Variants in CERKL observed in about 807,000 individuals in gnomAD.
CERKL encodes ceramide kinase-like protein.
CERKL carries 61 observed loss-of-function variants against 63.4 expected under a neutral mutation model. The ratio of observed to expected loss-of-function variants is 0.96; its 90% CI spans 0.78 to 1.19. The LOEUF (loss-of-function observed/expected upper bound fraction) is 1.19. Ranked by LOEUF, CERKL falls within the 50% of genes most tolerant of loss-of-function variation. The pLI, the probability that CERKL is intolerant of heterozygous loss-of-function variation, is 0.00. For missense variants in CERKL, 675 were observed against 655.5 expected, an observed-to-expected ratio of 1.03 and a Z score of -0.33; for synonymous variants, 250 against 230.5, an observed-to-expected ratio of 1.08 and a Z score of -0.77.
intron 1 of CERKL, among the ~76,000 whole-genome samples, chr2:181,647,178 T>C (rs1371021850): frequency 1.3e-5 from 2 of 152,116 alleles, no homozygotes; most frequent in Admixed American, 6.5e-5. Flanking sequence ...TCTGTGGTCA[T>C]GAATGGAAGC....
rs1402758276 is a variant in CERKL, at chr2:181,656,932, A to G, written c.75T>C (p.Ala25=). 1 of 1,591,672 alleles carries G rather than the reference A, an allele frequency of 6.3e-7. No individual in the cohort carries two copies. The highest frequency in any genetic ancestry group is 1.3e-5 in the African/African-American group (1 of 74,116). ...GGREEEAPPE[A]AAVPPALLTS... is the part of the protein sequence containing the mutation. Reference sequence around the variant, plus strand: ...TTAACAGCGCCGGAGGCACAGCGGCAGCCTCCGGGGGCGCCTCTTCCTCCC... The same window carrying G: ...TTAACAGCGCCGGAGGCACAGCGGCGGCCTCCGGGGGCGCCTCTTCCTCCC... Residue 25 remains alanine (A), a synonymous_variant, in exon 1 of 13, where the codon GCT becomes GCC. Coordinates refer to ENST00000410087, the MANE Select transcript of CERKL (RefSeq NM_201548.5).
intron 4 of CERKL, among the ~76,000 whole-genome samples, chr2:181,563,240 C>T (rs553321009): frequency 1.3e-5 from 2 of 152,118 alleles, no homozygotes; most frequent in South Asian, 4.1e-4. Context: ...GGACACACTG[C>T]AGTGGAGAAC....
chr2:181,552,314 TC>T (rs2105809718), intron 5 of CERKL, among the ~76,000 whole-genome samples: 1 of 152,262 alleles, frequency 6.6e-6, no homozygotes, highest in African/African-American at 2.4e-5. Context: ...TCCCCACATG[TC>T]AAGGGAGAGA....
intron 1 of CERKL, among the ~76,000 whole-genome samples, chr2:181,609,123 T>C (rs1340326202): frequency 6.6e-6 from 1 of 152,138 alleles, no homozygotes; most frequent in Non-Finnish European, 1.5e-5. Context: ...TTTATTATTA[T>C]ACTTTAAGTT....
At chr2:181,653,874 A>G (rs1052473083) in intron 1 of CERKL, among the ~76,000 whole-genome samples, 2 of 152,192 alleles carry the variant, frequency 1.3e-5, no homozygotes, top group African/African-American at 4.8e-5. Context: ...GTAAAATACT[A>G]TATATTACAA....
At chr2:181,580,860 G>A (rs1034305386) in intron 2 of CERKL, among the ~76,000 whole-genome samples, 2 of 151,976 alleles carry the variant, frequency 1.3e-5, no homozygotes, top group Non-Finnish European at 2.9e-5. Flanking sequence ...AGGGTATAAC[G>A]AACATCTCTG....
intron 11 of CERKL, among the ~76,000 whole-genome samples, chr2:181,542,448 T>A (rs557552880): frequency 1.0e-3 from 152 of 152,192 alleles, no homozygotes; most frequent in Non-Finnish European, 1.7e-3. Context: ...TAGATCTGAT[T>A]TTCATAATCT....
In CERKL at chr2:181,558,684, T is replaced by G; in HGVS notation, c.702A>C (p.Gly234=). The G allele has an allele frequency of 6.2e-7, 1 of 1,613,682 alleles. No individual in the cohort carries two copies. Among genetic ancestry groups the G allele is most frequent in the East Asian group, 2.2e-5 (1 of 44,818 alleles). ...AAGCATGGGCTACTTCGCTAGCAGA[T>G]CCATCTCCACCAACACAGACAACAC... ...FDGVVCVGGD[G]SASEVAHALL... The change falls in exon 5 of 13, where the codon GGA becomes GGC. Residue 234 remains glycine, a synonymous_variant. Transcript: ENST00000410087. This position sits in a 1 kb window ranked among gnomAD's most constrained non-coding sequence, Gnocchi z 4.2.
At chr2:181,542,228 A>T (rs1687539961) in intron 11 of CERKL, among the ~76,000 whole-genome samples, 1 of 152,204 alleles carries the variant, frequency 6.6e-6, no homozygotes, top group Admixed American at 6.5e-5. Context: ...GCCTCTATCT[A>T]ATTTTACACA....
intron 4 of CERKL, among the ~76,000 whole-genome samples, chr2:181,560,384 T>C (rs1338212145): frequency 6.6e-6 from 1 of 152,242 alleles, no homozygotes; most frequent in Non-Finnish European, 1.5e-5. Context: ...AACATATTGC[T>C]AGAGTTATTA....
intron 3 of CERKL, among the ~76,000 whole-genome samples, chr2:181,566,784 T>C (rs1411305672): frequency 1.3e-5 from 2 of 152,072 alleles, no homozygotes; most frequent in East Asian, 3.9e-4. Flanking sequence ...TAAATGCCAG[T>C]GAAGACAGGA....
intron 2 of CERKL, among the ~76,000 whole-genome samples, chr2:181,596,067 A>T (rs1685194761): frequency 6.6e-6 from 1 of 152,236 alleles, no homozygotes; most frequent in Non-Finnish European, 1.5e-5. Context: ...TTCAATTAGC[A>T]TTTTGAATAT....
chr2:181,549,182 T>G (rs755161799), intron 6 of CERKL, among the ~76,000 whole-genome samples: 8 of 152,222 alleles, frequency 5.3e-5, no homozygotes, highest in Non-Finnish European at 1.2e-4. Context: ...TACATATACC[T>G]GAGCTTATAT....
chr2:181,600,729 T>C (rs935231152), intron 2 of CERKL, among the ~76,000 whole-genome samples: 1 of 151,970 alleles, frequency 6.6e-6, no homozygotes, highest in Non-Finnish European at 1.5e-5. Context: ...ACTAGACCTA[T>C]GGGGAAAAAA....
At chr2:181,642,241 A>G (rs1341398619) in intron 1 of CERKL, among the ~76,000 whole-genome samples, 1 of 152,154 alleles carries the variant, frequency 6.6e-6, no homozygotes, top group East Asian at 1.9e-4. Flanking sequence ...TTGGGGTTTA[A>G]CCCCTGCTTC....
At chr2:181,594,495 C>T (rs1344011091) in intron 2 of CERKL, among the ~76,000 whole-genome samples, 8 of 152,166 alleles carry the variant, frequency 5.3e-5, no homozygotes, top group South Asian at 2.1e-4. Flanking sequence ...AGCTCTGTCA[C>T]GTAATTAGCA....
At chr2:181,653,052 C>T (rs1688006688) in intron 1 of CERKL, among the ~76,000 whole-genome samples, 1 of 152,170 alleles carries the variant, frequency 6.6e-6, no homozygotes, top group Non-Finnish European at 1.5e-5. Context: ...GGATTACAGG[C>T]GTGAGCCACT....
At chr2:181,595,298 C>G (rs1229473586) in intron 2 of CERKL, among the ~76,000 whole-genome samples, 2 of 151,790 alleles carry the variant, frequency 1.3e-5, no homozygotes, top group Non-Finnish European at 2.9e-5. Context: ...TGAGAAATCT[C>G]AATAATAGCA....
intron 4 of CERKL, among the ~76,000 whole-genome samples, chr2:181,560,434 AT>A (rs1172975449): frequency 6.6e-6 from 1 of 152,224 alleles, no homozygotes; most frequent in Non-Finnish European, 1.5e-5. Flanking sequence ...AACATCTGAA[AT>A]TTTGTCATAA....
Sources: gnomAD v4.1 joint callset for allele counts (sites outside exome capture counted in the v4.1 genomes callset) on GRCh38, gnomAD v4.1.1 for gene constraint, Gnocchi (gnomAD v3.1) non-coding constraint, MANE v1.5 for transcripts, NCBI Gene and HGNC (gene_info 2026-07-23, HGNC 2026-07-21) for gene names.